The following DKK2 variants were observed in gnomAD, a reference collection of about 807,000 sequenced individuals.
DKK2 encodes the protein dickkopf Wnt signaling pathway inhibitor 2.
In DKK2, 11 loss-of-function variants were observed where a neutral mutation model predicts 28.1. The ratio of observed to expected loss-of-function variants is 0.39; its 90% CI spans 0.25 to 0.65. The LOEUF (loss-of-function observed/expected upper bound fraction) is 0.65, where lower values mean the gene tolerates loss of function less well. Among genes scored for constraint, DKK2 ranks in the 30% least tolerant of loss-of-function variants. The pLI, the probability that DKK2 is intolerant of heterozygous loss-of-function variation, is 0.47. For missense variants in DKK2, 326 were observed against 335.5 expected, an observed-to-expected ratio of 0.97 and a Z score of 0.22; for synonymous variants, 135 against 126.5, an observed-to-expected ratio of 1.07 and a Z score of -0.45.
intron 1 of DKK2, among the ~76,000 whole-genome samples, chr4:106,928,850 CA>C (rs1278271343): frequency 3.7e-4 from 56 of 152,172 alleles, no homozygotes; most frequent in African/African-American, 1.3e-3. Flanking sequence ...CTGCAGTTGC[CA>C]GTTGCCATTG....
At position 107,013,997 on chromosome 4, in the gene DKK2, G is replaced by A. The variant is rs185957556; in HGVS notation, c.222+21373C>T. On this transcript the variant is annotated intron_variant, in intron 1 of 3. Coordinates refer to ENST00000285311, the MANE Select transcript of DKK2 (RefSeq NM_014421.3). ...TCAAAAAGACAAAATAACAAATACCGGCAAGGATGTGGAGAAAGTGGAACT... is the reference window on the plus strand; with the variant it reads ...TCAAAAAGACAAAATAACAAATACCAGCAAGGATGTGGAGAAAGTGGAACT... Among the ~76,000 whole-genome samples, 326 of 151,568 alleles carry A rather than the reference G, an allele frequency of 2.2e-3. 1 individual carries two copies. The highest frequency in any genetic ancestry group is 0.01 in the Middle Eastern group (3 of 294).
chr4:107,006,276 A>T (rs996449504), intron 1 of DKK2, among the ~76,000 whole-genome samples: 1 of 152,218 alleles, frequency 6.6e-6, no homozygotes, highest in Non-Finnish European at 1.5e-5. Flanking sequence ...TCATCTTTTA[A>T]TATATAATTT....
chr4:106,928,021 G>A (rs2110339566), intron 1 of DKK2, among the ~76,000 whole-genome samples: 1 of 152,198 alleles, frequency 6.6e-6, no homozygotes, highest in South Asian at 2.1e-4. Flanking sequence ...TTATTTATTA[G>A]CTGTTATTGA....
chr4:107,015,865 C>T (rs531027941), intron 1 of DKK2, among the ~76,000 whole-genome samples: 2 of 151,710 alleles, frequency 1.3e-5, no homozygotes, highest in African/African-American at 2.4e-5. Context: ...AAAGCAGATG[C>T]CTTTGTTTGC....
intron 1 of DKK2, among the ~76,000 whole-genome samples, chr4:106,995,513 C>T (rs1396863970): frequency 1.3e-5 from 2 of 152,136 alleles, no homozygotes; most frequent in African/African-American, 2.4e-5. Context: ...AAACTAAACT[C>T]ACTAATATGA....
chr4:107,002,067 C>T (rs1225273363), intron 1 of DKK2, among the ~76,000 whole-genome samples: 1 of 152,186 alleles, frequency 6.6e-6, no homozygotes, highest in African/African-American at 2.4e-5. Context: ...GAAAGTCTTA[C>T]TCAAACTTAA....
At chr4:107,035,333 T>C (rs1723946410) in intron 1 of DKK2, 37 bp downstream of exon 1, 1 of 1,608,958 alleles carries the variant, frequency 6.2e-7, no homozygotes, top group African/African-American at 1.3e-5. Flanking sequence ...GGCCCCTGCC[T>C]CTTCTGTCTG....
At chr4:106,937,240 C>A (rs1724604866) in intron 1 of DKK2, among the ~76,000 whole-genome samples, 1 of 142,140 alleles carries the variant, frequency 7.0e-6, no homozygotes, top group Non-Finnish European at 1.5e-5. Context: ...TGCAGAGACA[C>A]ACATAGGCTC....
rs372180616 is a variant in DKK2 at position 106,924,654 on chromosome 4, C to T, written c.420G>A (p.Pro140=). 4.0e-5 allele frequency: 65 copies of T among 1,613,576 alleles called. No homozygotes were observed. In the South Asian group the frequency reaches 4.9e-4, roughly 12 times the overall value. Reference sequence around the variant, plus strand: ...CTCTGTGCCGAGTACCATCCAGAGCCGGGATGTGAGGGGTTAAGATGCTTT... The same window carrying T: ...CTCTGTGCCGAGTACCATCCAGAGCTGGGATGTGAGGGGTTAAGATGCTTT... ...VTESILTPHI[P]ALDGTRHRDR... The change falls in exon 3 of 4, where the codon CCG becomes CCA. Residue 140 remains proline, a synonymous_variant. Transcript: ENST00000285311.
chr4:106,981,038 G>A (rs1219293999), intron 1 of DKK2, among the ~76,000 whole-genome samples: 4 of 152,074 alleles, frequency 2.6e-5, no homozygotes, highest in East Asian at 1.9e-4. Flanking sequence ...AAATGAAAAA[G>A]TAACTGGAAT....
At chr4:106,934,425 T>C (rs1724548602) in intron 1 of DKK2, among the ~76,000 whole-genome samples, 1 of 152,216 alleles carries the variant, frequency 6.6e-6, no homozygotes, top group African/African-American at 2.4e-5. Context: ...GCACCTCGAC[T>C]GAAGTTTCTT....
At chr4:106,947,949 C>A (rs1331384289) in intron 1 of DKK2, among the ~76,000 whole-genome samples, 1 of 152,106 alleles carries the variant, frequency 6.6e-6, no homozygotes, top group Non-Finnish European at 1.5e-5. Context: ...ACATACTCAG[C>A]AAATTAACCA....
intron 1 of DKK2, among the ~76,000 whole-genome samples, chr4:106,988,078 A>G (rs1052365665): frequency 2.0e-5 from 3 of 152,046 alleles, no homozygotes; most frequent in Admixed American, 2.0e-4. Context: ...GTTAGCCAGG[A>G]TGGTCTCAAT....
Position 106,925,906 on chromosome 4 carries a change from T to C in DKK2, c.266A>G (p.Tyr89Cys). ...TGATCCTTGGTGGGGACTGTGGCAA[T>C]ACCTCCCAACTTCACACTCCTTATC... is the stretch of plus-strand genomic sequence containing the variant. Reference protein sequence around the residue: ...SSDKECEVGRYCHSPHQGSSA... With the variant: ...SSDKECEVGRCCHSPHQGSSA... The change falls in exon 2 of 4, where the codon TAT becomes TGT. Residue 89 changes from tyrosine to cysteine, a missense_variant. Physicochemically the swap from Tyr to Cys is radical, Grantham distance 194. Transcript: ENST00000285311. 6.2e-7 allele frequency: 1 copy of C among 1,613,666 alleles called. No individual in the cohort carries two copies. Among genetic ancestry groups the C allele is most frequent in the Non-Finnish European group, 8.5e-7 (1 of 1,179,846 alleles).
At position 107,035,685 on chromosome 4, in the gene DKK2, T is replaced by C; in HGVS notation, c.-94A>G. 7.5e-7 allele frequency: 1 copy of C among 1,329,310 alleles called. No individual in the cohort carries two copies. The highest frequency in any genetic ancestry group is 1.3e-5 in the South Asian group (1 of 78,948). 82.3% of individuals were successfully genotyped at this position (1,329,310 alleles called of 1,614,324 possible). A position where few individuals can be genotyped will look rare whatever the true frequency, so the allele number is the denominator to read the frequency against. On this transcript the variant is annotated 5_prime_UTR_variant, in exon 1 of 4. Coordinates refer to ENST00000285311, the MANE Select transcript of DKK2 (RefSeq NM_014421.3). ...CCCAACACGGGGCCCCTCACTTGGG[T>C]CGCGGGGGCTTGCAGATTGTGTTCC...
At chr4:106,975,463 G>A (rs542541553) in intron 1 of DKK2, among the ~76,000 whole-genome samples, 1 of 152,178 alleles carries the variant, frequency 6.6e-6, no homozygotes, top group African/African-American at 2.4e-5. Flanking sequence ...TCCTGGTTTA[G>A]TTTGGGAGGG....
rs17037102 is a variant in DKK2, at chr4:106,924,637, C to A, written c.437G>T (p.Arg146Leu). The change falls in exon 3 of 4, where the codon CGG becomes CTG. Residue 146 changes from arginine to leucine, a missense_variant. Transcript: ENST00000285311. Reference protein sequence around the residue: ...TPHIPALDGTRHRDRNHGHYS... With the variant: ...TPHIPALDGTLHRDRNHGHYS... ...ATGACCGTGGTTTCGATCTCTGTGC[C>A]GAGTACCATCCAGAGCCGGGATGTG... 2 of 1,613,680 alleles carry A rather than the reference C, an allele frequency of 1.2e-6. No individual in the cohort carries two copies. Among genetic ancestry groups the A allele is most frequent in the Non-Finnish European group, 1.7e-6 (2 of 1,179,826 alleles).
intron 1 of DKK2, among the ~76,000 whole-genome samples, chr4:107,034,109 C>A (rs73837550): frequency 0.015 from 2,260 of 152,202 alleles, 58 homozygotes; most frequent in African/African-American, 0.052. Flanking sequence ...AAATTGTCCC[C>A]GTGAGAGGGC....
intron 1 of DKK2, among the ~76,000 whole-genome samples, chr4:107,018,100 C>T (rs964025702): frequency 6.6e-6 from 1 of 152,004 alleles, no homozygotes; most frequent in African/African-American, 2.4e-5. Context: ...TTAGAACACA[C>T]CACACACCCT....
Sources: gnomAD v4.1 joint callset for allele counts (sites outside exome capture counted in the v4.1 genomes callset) on GRCh38, gnomAD v4.1.1 for gene constraint, MANE v1.5 for transcripts, NCBI Gene and HGNC (gene_info 2026-07-23, HGNC 2026-07-21) for gene names.